DNAH2: variants seen among roughly 807,000 people sequenced by gnomAD.
The protein encoded by DNAH2 is axonemal beta dynein heavy chain 2.
DNAH2 carries 323 observed loss-of-function variants against 523.5 expected under a neutral mutation model. The observed-to-expected ratio is 0.62, with a 90% CI of 0.56 to 0.68. The LOEUF is 0.68. Ranked by LOEUF, DNAH2 falls within the 30% of genes least tolerant of loss-of-function variation. DNAH2 has a pLI of 0.00. For missense variants in DNAH2, 4,907 were observed against 5,701.5 expected (o/e 0.86, Z 4.49); for synonymous variants, 2,093 against 2,177.4 (o/e 0.96, Z 1.08).
intron 73 of DNAH2, among the ~76,000 whole-genome samples, chr17:7,822,277 G>T (rs1032571278): frequency 6.6e-6 from 1 of 152,136 alleles, no homozygotes; most frequent in African/African-American, 2.4e-5. Flanking sequence ...GGCCTGAGAG[G>T]TCCTTTTAAA....
At chr17:7,743,254 AAT>A (rs1028467770) in intron 12 of DNAH2, 112 bp downstream of exon 12, 1 of 1,165,770 alleles carries the variant, frequency 8.6e-7, no homozygotes, top group Non-Finnish European at 1.2e-6. Context: ...TTTCTCATAC[AAT>A]ATGTTTGCTA....
intron 9 of DNAH2, 47 bp downstream of exon 9, chr17:7,739,985 T>C (rs1052548227): frequency 2.6e-6 from 4 of 1,562,698 alleles, no homozygotes; most frequent in Non-Finnish European, 3.5e-6. Flanking sequence ...GGAAGGCAGA[T>C]CAGGCAGCCA....
At chr17:7,816,821 G>A in intron 64 of DNAH2, 86 bp downstream of exon 64, 1 of 1,513,558 alleles carries the variant, frequency 6.6e-7, no homozygotes, top group Non-Finnish European at 8.9e-7. Flanking sequence ...GGAGCAGTCA[G>A]GGAAAACGGG....
At chr17:7,756,018 T>TC (rs2075825431) in intron 12 of DNAH2, among the ~76,000 whole-genome samples, 1 of 151,822 alleles carries the variant, frequency 6.6e-6, no homozygotes, top group African/African-American at 2.4e-5. Flanking sequence ...GGTGGGTGGA[T>TC]CACCTGAGGT....
chr17:7,816,875 T>G, intron 64 of DNAH2, 140 bp downstream of exon 64: 1 of 1,082,528 alleles, frequency 9.2e-7, no homozygotes, highest in East Asian at 2.6e-5. Context: ...GCGTGGGAGC[T>G]CTTCCCCTCC....
In DNAH2 at chr17:7,832,776, GA is replaced by G. The variant is rs1428296748; in HGVS notation, c.12903+22del. 9 of 1,614,140 alleles carry G rather than the reference GA, an allele frequency of 5.6e-6. No individual in the cohort carries two copies. In the Admixed American group the frequency reaches 1.5e-4, roughly 27 times the overall value. ...ACAACGTGAGCAATGTGCAAAGTGT[GA>G]GGGGGGGATGTATGCTGGGGCCATG... On this transcript the variant is annotated intron_variant, in intron 83 of 85. Transcript: ENST00000572933. The surrounding 1 kb of genome is among the most constrained non-coding windows in gnomAD (Gnocchi z 4.3).
intron 5 of DNAH2, 68 bp from the exon 6 acceptor site, chr17:7,734,115 C>A: frequency 1.4e-6 from 2 of 1,389,932 alleles, no homozygotes; most frequent in Non-Finnish European, 9.9e-7. Context: ...GATCATCAAC[C>A]GTGATTCCTA....
At position 7,780,903 on chromosome 17, in the gene DNAH2, C is replaced by A; in HGVS notation, c.6003+121C>A. 6.3e-7 allele frequency: 1 copy of A among 1,579,916 alleles called. No homozygotes were observed. The highest frequency in any genetic ancestry group is 8.6e-7 in the Non-Finnish European group (1 of 1,159,296). ...GGGATTCTCACCTTCCCACCTCGTC[C>A]CATCCCCGTGTTGCCCGCTGCTTTG... is the stretch of plus-strand genomic sequence containing the variant. On this transcript the variant is annotated intron_variant, in intron 38 of 85. Transcript: ENST00000572933. The surrounding 1 kb of genome is among the most constrained non-coding windows in gnomAD (Gnocchi z 4.4).
intron 22 of DNAH2, among the ~76,000 whole-genome samples, chr17:7,767,451 G>A (rs1233745685): frequency 6.6e-6 from 1 of 152,046 alleles, no homozygotes; most frequent in Non-Finnish European, 1.5e-5. Flanking sequence ...GTGAGTGTAA[G>A]CCTAGGGGTG....
Position 7,807,406 on chromosome 17 carries a change from G to T in DNAH2, c.9613-64G>T. Reference sequence around the variant, plus strand: ...ACAGACCCAGGTGGAAGGAGGGGATGCCTGGAGGTGAGGGGGTTGGTGGGT... The same window carrying T: ...ACAGACCCAGGTGGAAGGAGGGGATTCCTGGAGGTGAGGGGGTTGGTGGGT... On this transcript the variant is annotated intron_variant, in intron 62 of 85. Transcript: ENST00000572933. This position sits in a 1 kb window ranked among gnomAD's most constrained non-coding sequence, Gnocchi z 5.6. The T allele has an allele frequency of 6.2e-7, 1 of 1,605,762 alleles. No homozygotes were observed.
rs966878770 is a variant in DNAH2 at position 7,807,866 on chromosome 17, C to T, written c.9729+280C>T. On this transcript the variant is annotated intron_variant, in intron 63 of 85. Coordinates refer to ENST00000572933, the MANE Select transcript of DNAH2 (RefSeq NM_020877.5). This position sits in a 1 kb window ranked among gnomAD's most constrained non-coding sequence, Gnocchi z 5.6. ...AGCTGGCAATCTCTGTCACACCCTT[C>T]GGAGATGGCGCCTGAGATATTAACT... Among the ~76,000 whole-genome samples the T allele has an allele frequency of 3.3e-5, 5 of 152,178 alleles. No homozygotes were observed. Among genetic ancestry groups the T allele is most frequent in the African/African-American group, 1.2e-4 (5 of 41,442 alleles).
In DNAH2 at chr17:7,786,876, C is replaced by T; in HGVS notation, c.6467-21C>T. Reference sequence around the variant, plus strand: ...AAGGTGAGCGGCTCCCCGGTTTCCTCATCACCCACCATCTACTCAGATGAG... The same window carrying T: ...AAGGTGAGCGGCTCCCCGGTTTCCTTATCACCCACCATCTACTCAGATGAG... On this transcript the variant is annotated intron_variant, in intron 41 of 85. Coordinates refer to ENST00000572933, the MANE Select transcript of DNAH2 (RefSeq NM_020877.5). The surrounding 1 kb of genome is among the most constrained non-coding windows in gnomAD (Gnocchi z 7.5). 1.2e-6 allele frequency: 2 copies of T among 1,614,124 alleles called. No individual in the cohort carries two copies. The highest frequency in any genetic ancestry group is 2.7e-5 in the African/African-American group (2 of 75,048).
intron 20 of DNAH2, among the ~76,000 whole-genome samples, chr17:7,765,094 AT>A (rs934077117): frequency 6.6e-6 from 1 of 152,128 alleles, no homozygotes; most frequent in Non-Finnish European, 1.5e-5. Context: ...TCACACCTTG[AT>A]TTTTTTAGCC....
At chr17:7,806,264 C>G (rs2077363844) in intron 61 of DNAH2, among the ~76,000 whole-genome samples, 1 of 152,170 alleles carries the variant, frequency 6.6e-6, no homozygotes, top group Admixed American at 6.5e-5. Context: ...TTATGACATT[C>G]AGTAGGTTAG....
chr17:7,796,370 C>G lies in DNAH2; in HGVS notation c.7675-94C>G. 3.5e-6 allele frequency: 5 copies of G among 1,425,946 alleles called. No homozygotes were observed. The African/African-American group carries it at 7.2e-5, about 20-fold the overall frequency. 88.3% of individuals were successfully genotyped at this position (1,425,946 alleles called of 1,614,324 possible). On this transcript the variant is annotated intron_variant, in intron 49 of 85. Transcript: ENST00000572933. ...GGCCCTAGGATTTTTTTTGACACCC[C>G]CTTAAATTGTGCCCATGAGCCAAGC...
At chr17:7,770,955 T>C in intron 27 of DNAH2, 22 bp downstream of exon 27, 1 of 1,608,702 alleles carries the variant, frequency 6.2e-7, no homozygotes, top group Non-Finnish European at 8.5e-7. Flanking sequence ...GCGCCTGAGC[T>C]CTTCCTGCTT....
Position 7,798,804 on chromosome 17 carries a change from A to G in DNAH2, c.8559+86A>G, listed in dbSNP as rs1267762515. 3 of 1,503,622 alleles carry G rather than the reference A, an allele frequency of 2.0e-6. No individual in the cohort carries two copies. The African/African-American group carries it at 4.2e-5, about 21-fold the overall frequency. The allele number at this position is 1,503,622 out of a possible 1,614,324, so 93.1% of individuals were successfully genotyped here. A position where few individuals can be genotyped will look rare whatever the true frequency, so the allele number is the denominator to read the frequency against. On this transcript the variant is annotated intron_variant, in intron 55 of 85. Transcript: ENST00000572933. This position sits in a 1 kb window ranked among gnomAD's most constrained non-coding sequence, Gnocchi z 5.5. ...AGGACCACAGCTCCCAGAATGTGCCACTGGCACACCCCCACTGCCACACCC... is the reference window on the plus strand; with the variant it reads ...AGGACCACAGCTCCCAGAATGTGCCGCTGGCACACCCCCACTGCCACACCC...
intron 58 of DNAH2, among the ~76,000 whole-genome samples, chr17:7,802,939 C>T (rs1330036628): frequency 1.3e-5 from 2 of 151,932 alleles, no homozygotes; most frequent in South Asian, 2.1e-4. Flanking sequence ...TCCCAAAGTG[C>T]TGGGATTACA....
chr17:7,797,031 G>A lies in DNAH2; in HGVS notation c.7864-145G>A, dbSNP rs558019249. The stretch of plus-strand genomic sequence containing the variant: ...GCAGGAGAATTGCTTGAACCTGGGA[G>A]GCAGAGGTTGCAGTGAGCTGAGATT... On this transcript the variant is annotated intron_variant, in intron 50 of 85. Transcript: ENST00000572933. The A allele has an allele frequency of 1.8e-3, 1,275 of 727,620 alleles. 18 individuals carry two copies. In the African/African-American group the frequency reaches 0.02, roughly 11 times the overall value. 45.1% of individuals were successfully genotyped at this position (727,620 alleles called of 1,614,324 possible).
Sources: gnomAD v4.1 joint callset for allele counts (sites outside exome capture counted in the v4.1 genomes callset) on GRCh38, gnomAD v4.1.1 for gene constraint, Gnocchi (gnomAD v3.1) non-coding constraint, MANE v1.5 for transcripts, NCBI Gene and HGNC (gene_info 2026-07-23, HGNC 2026-07-21) for gene names.